Variants in ELP4 observed in about 807,000 individuals in gnomAD.
The protein encoded by ELP4 is elongator complex protein 4.
A neutral mutation model predicts 48.9 loss-of-function variants in ELP4; 51 were observed. That is an observed-to-expected ratio of 1.04 (90% CI 0.83 to 1.32). The LOEUF (loss-of-function observed/expected upper bound fraction) is 1.32. ELP4 is among the 40% of genes most tolerant of loss of function. The pLI, the probability that ELP4 is intolerant of heterozygous loss-of-function variation, is 0.00. For missense variants in ELP4, 519 were observed against 514.6 expected, an observed-to-expected ratio of 1.01 and a Z score of -0.08; for synonymous variants, 210 against 189.2, an observed-to-expected ratio of 1.11 and a Z score of -0.90.
In ELP4 at chr11:31,669,162, G is replaced by C. The variant is rs537463916; in HGVS notation, c.1143+18941G>C. 5.3e-5 allele frequency among the ~76,000 whole-genome samples: 8 copies of C among 151,702 alleles called. No individual in the cohort carries two copies. The South Asian group carries it at 1.7e-3, about 32-fold the overall frequency. Reference sequence around the variant, plus strand: ...TCACCAGGCTGGAGTGCAGTGGCGCGATCTCGGCTCACTGCAACCTCTGCC... The same window carrying C: ...TCACCAGGCTGGAGTGCAGTGGCGCCATCTCGGCTCACTGCAACCTCTGCC... On this transcript the variant is annotated intron_variant, in intron 9 of 9. Coordinates refer to ENST00000640961, the MANE Select transcript of ELP4 (RefSeq NM_019040.5).
Position 31,788,073 on chromosome 11 carries a change from TCA to T in ELP4, c.*4550_*4551del, listed in dbSNP as rs1389215389. 3 of 223,232 alleles carry T rather than the reference TCA, an allele frequency of 1.3e-5. No homozygotes were observed. Among genetic ancestry groups the T allele is most frequent in the Admixed American group, 5.7e-5 (1 of 17,420 alleles). The allele number at this position is 223,232 out of a possible 1,614,324, so 13.8% of individuals were successfully genotyped here. A position where few individuals can be genotyped will look rare whatever the true frequency, so the allele number is the denominator to read the frequency against. On this transcript the variant is annotated 3_prime_UTR_variant, in exon 10 of 10. Coordinates refer to ENST00000640961, the MANE Select transcript of ELP4 (RefSeq NM_019040.5). ...ATGTTGCACAGAACAAATGAAAGTC[TCA>T]GACAGTCCTTTTTTACCCAACAAAG...
intron 9 of ELP4, among the ~76,000 whole-genome samples, chr11:31,672,710 G>T (rs960678317): frequency 6.6e-6 from 1 of 152,110 alleles, no homozygotes; most frequent in Non-Finnish European, 1.5e-5. Context: ...GATCACCTGA[G>T]CCCGGGAGGT....
chr11:31,515,040 T>TAC (rs1956085145), intron 1 of ELP4, among the ~76,000 whole-genome samples: 3 of 147,866 alleles, frequency 2.0e-5, no homozygotes, highest in South Asian at 2.1e-4. Flanking sequence ...TGTGTATATA[T>TAC]ATATATATAT....
chr11:31,659,768 A>T (rs7115722), intron 9 of ELP4, among the ~76,000 whole-genome samples: 1 of 151,874 alleles, frequency 6.6e-6, no homozygotes, highest in Non-Finnish European at 1.5e-5. Context: ...TAGATGGATC[A>T]CTTGAGGTCA....
chr11:31,525,748 G>T (rs952580313), intron 2 of ELP4, among the ~76,000 whole-genome samples: 1 of 152,092 alleles, frequency 6.6e-6, no homozygotes, highest in East Asian at 1.9e-4. Flanking sequence ...TAAAGACTAG[G>T]CTGTATACCT....
chr11:31,652,187 T>C (rs1029030438), intron 9 of ELP4: 5 of 151,742 alleles, frequency 3.3e-5, no homozygotes, highest in Non-Finnish European at 7.4e-5. Context: ...TCTGCACCTT[T>C]TTGTCTAATA....
chr11:31,718,812 A>G (rs1300718773), intron 9 of ELP4, among the ~76,000 whole-genome samples: 3 of 152,220 alleles, frequency 2.0e-5, no homozygotes, highest in Non-Finnish European at 2.9e-5. Flanking sequence ...AAAACTGACA[A>G]AGCTATCACA....
At chr11:31,735,908 A>G (rs1947304101) in intron 9 of ELP4, among the ~76,000 whole-genome samples, 1 of 152,192 alleles carries the variant, frequency 6.6e-6, no homozygotes, top group Non-Finnish European at 1.5e-5. Flanking sequence ...TCCCAAGGTA[A>G]TTTATAGATT....
chr11:31,686,945 G>T (rs1250183285), intron 9 of ELP4, among the ~76,000 whole-genome samples: 2 of 151,974 alleles, frequency 1.3e-5, no homozygotes, highest in African/African-American at 4.8e-5. Flanking sequence ...AAGACTAGAG[G>T]CCAAGAGTTG....
At chr11:31,757,411 A>T (rs1305968524) in intron 9 of ELP4, among the ~76,000 whole-genome samples, 1 of 152,016 alleles carries the variant, frequency 6.6e-6, no homozygotes, top group Non-Finnish European at 1.5e-5. Context: ...GCCAAGCATG[A>T]TATTTTTAGC....
At chr11:31,729,841 A>G (rs1354676659) in intron 9 of ELP4, among the ~76,000 whole-genome samples, 1 of 152,208 alleles carries the variant, frequency 6.6e-6, no homozygotes, top group East Asian at 1.9e-4. Context: ...CACATTGACT[A>G]CAGCACCATT....
intron 9 of ELP4, among the ~76,000 whole-genome samples, chr11:31,748,884 A>T (rs1198576497): frequency 6.6e-6 from 1 of 152,168 alleles, no homozygotes; most frequent in African/African-American, 2.4e-5. Context: ...ATTATAGCTC[A>T]GCAAGTTAAG....
chr11:31,682,267 G>A (rs915546506), intron 9 of ELP4, among the ~76,000 whole-genome samples: 7 of 152,162 alleles, frequency 4.6e-5, no homozygotes, highest in African/African-American at 1.4e-4. Flanking sequence ...ACTCAAGGCT[G>A]TAATATTAGT....
Position 31,672,656 on chromosome 11 carries a change from G to C in ELP4, c.1143+22435G>C, listed in dbSNP as rs181586562. On this transcript the variant is annotated intron_variant, in intron 9 of 9. Transcript: ENST00000640961. The stretch of plus-strand genomic sequence containing the variant: ...AAAATACAAAAATTAGCTGGGTGTG[G>C]TGGTGGGCACCTATAGTCCTAGCTA... Among the ~76,000 whole-genome samples, 596 of 152,186 alleles carry C rather than the reference G, an allele frequency of 3.9e-3. 5 individuals are homozygous for C. Among genetic ancestry groups the C allele is most frequent in the African/African-American group, 0.014 (569 of 41,524 alleles).
chr11:31,584,906 T>C (rs2133976954), intron 3 of ELP4, among the ~76,000 whole-genome samples: 1 of 152,304 alleles, frequency 6.6e-6, no homozygotes, highest in Admixed American at 6.5e-5. Context: ...AGTTAAAATG[T>C]TCTAAACAGA....
At chr11:31,748,150 G>T (rs552497498) in intron 9 of ELP4, among the ~76,000 whole-genome samples, 1 of 151,674 alleles carries the variant, frequency 6.6e-6, no homozygotes, top group South Asian at 2.1e-4. Flanking sequence ...GGGCAGATTC[G>T]TAGTTATGTT....
At chr11:31,550,608 CA>C (rs1956832191) in intron 3 of ELP4, among the ~76,000 whole-genome samples, 1 of 151,924 alleles carries the variant, frequency 6.6e-6, no homozygotes, top group Admixed American at 6.6e-5. Flanking sequence ...GATTGGGAGA[CA>C]AAAAAGAGTT....
chr11:31,545,176 A>G (rs1032212664), intron 3 of ELP4, among the ~76,000 whole-genome samples: 1 of 152,236 alleles, frequency 6.6e-6, no homozygotes, highest in African/African-American at 2.4e-5. Flanking sequence ...GCTTCAGACG[A>G]TCAAACTACG....
chr11:31,767,812 C>T (rs1027537421), intron 9 of ELP4: 2 of 152,066 alleles, frequency 1.3e-5, no homozygotes, highest in African/African-American at 2.4e-5. Flanking sequence ...GAGTTAGGTC[C>T]TCATCTCTAA....
Sources: gnomAD v4.1 joint callset for allele counts (sites outside exome capture counted in the v4.1 genomes callset) on GRCh38, gnomAD v4.1.1 for gene constraint, MANE v1.5 for transcripts, NCBI Gene and HGNC (gene_info 2026-07-23, HGNC 2026-07-21) for gene names.